MLXIP: variants seen among roughly 807,000 people sequenced by gnomAD.
MLXIP encodes the protein MLX-interacting protein.
In MLXIP, 30 loss-of-function variants were observed where a neutral mutation model predicts 87.2. That is an observed-to-expected ratio of 0.34 (90% CI 0.26 to 0.47). The LOEUF (loss-of-function observed/expected upper bound fraction) is 0.47. Ranked by LOEUF, MLXIP falls within the 20% of genes least tolerant of loss-of-function variation. MLXIP has a pLI of 1.00. For synonymous variants in MLXIP, 530 were observed against 514.0 expected, an observed-to-expected ratio of 1.03 and a Z score of -0.42; for missense variants, 1,002 against 1,240.1, an observed-to-expected ratio of 0.81 and a Z score of 2.88.
At chr12:122,121,157 A>G (rs28410367) in intron 1 of MLXIP, among the ~76,000 whole-genome samples, 76,182 of 151,040 alleles carry the variant, frequency 0.5, 19,700 homozygotes, top group Middle Eastern at 0.64. Flanking sequence ...CTACAGATGC[A>G]TGCCACCATG....
intron 1 of MLXIP, among the ~76,000 whole-genome samples, chr12:122,087,971 G>A (rs1952192148): frequency 6.6e-6 from 1 of 152,230 alleles, no homozygotes; most frequent in Non-Finnish European, 1.5e-5. Context: ...GAAGAAGGCT[G>A]GGCAAGGAGC....
chr12:122,139,527 CAT>C (rs988330942), intron 15 of MLXIP, among the ~76,000 whole-genome samples: 10 of 152,224 alleles, frequency 6.6e-5, no homozygotes, highest in African/African-American at 2.4e-4. Context: ...ACGGTCGGCA[CAT>C]GTGTTGGGTT....
At chr12:122,129,310 G>A in intron 4 of MLXIP, 84 bp downstream of exon 4, 1 of 1,245,568 alleles carries the variant, frequency 8.0e-7, no homozygotes, top group African/African-American at 1.5e-5. Context: ...GAGGCGGTAG[G>A]CTCCACAGCC....
intron 1 of MLXIP, among the ~76,000 whole-genome samples, chr12:122,095,617 T>C (rs991870619): frequency 1.3e-5 from 2 of 152,118 alleles, no homozygotes; most frequent in Non-Finnish European, 2.9e-5. Context: ...TTTTACTCAT[T>C]GTTATTTCTC....
chr12:122,123,243 G>A (rs117174219), intron 1 of MLXIP, among the ~76,000 whole-genome samples: 4,187 of 152,292 alleles, frequency 0.027, 99 homozygotes, highest in Non-Finnish European at 0.04. Flanking sequence ...AACTTCACGC[G>A]TTGCCTCCTC....
At chr12:122,100,658 A>G (rs1003309322) in intron 1 of MLXIP, among the ~76,000 whole-genome samples, 2 of 152,176 alleles carry the variant, frequency 1.3e-5, no homozygotes, top group African/African-American at 4.8e-5. Context: ...TTTGGCTGTC[A>G]CTTGCTCAGC....
rs751931978 is a variant in MLXIP at position 122,104,575 on chromosome 12, CTTTTTTTTTT to C, written c.414-22668_414-22659del. On this transcript the variant is annotated intron_variant, in intron 1 of 16. Transcript: ENST00000319080. The stretch of plus-strand genomic sequence containing the variant: ...TTTGGCTTTACCATAATTACCTTTT[CTTTTTTTTTT>C]TTTTTTTTTTTTGAGACGGAGTCTC... Among the ~76,000 whole-genome samples, 253 of 91,336 alleles carry C rather than the reference CTTTTTTTTTT, an allele frequency of 2.8e-3. No individual in the cohort carries two copies. In the Middle Eastern group the frequency reaches 0.028, roughly 10 times the overall value. The allele number at this position is 91,336 out of a possible 152,430, so 59.9% of individuals were successfully genotyped here.
At chr12:122,080,733 G>T (rs143965627) in intron 1 of MLXIP, among the ~76,000 whole-genome samples, 2 of 152,234 alleles carry the variant, frequency 1.3e-5, no homozygotes, top group East Asian at 3.9e-4. Context: ...AAAACAAATG[G>T]TGTTGAGGCT....
In MLXIP at chr12:122,132,346, C is replaced by T. The variant is rs1375288551; in HGVS notation, c.1055C>T (p.Ser352Leu). The T allele has an allele frequency of 6.2e-7, 1 of 1,613,260 alleles. No individual in the cohort carries two copies. The highest frequency in any genetic ancestry group is 8.5e-7 in the Non-Finnish European group (1 of 1,179,600). ...GGCTCCATGCTACCTGCATCTGCCT[C>T]AGCACCTGTACCAGATCCCAACAAC... ...IFGSMLPASASAPVPDPNNPP... is the reference protein window; with the variant it reads ...IFGSMLPASALAPVPDPNNPP... The change falls in exon 8 of 17, where the codon TCA becomes TTA. Residue 352 changes from serine to leucine, a missense_variant. Coordinates refer to ENST00000319080, the MANE Select transcript of MLXIP (RefSeq NM_014938.6).
chr12:122,120,835 G>A (rs374017566), intron 1 of MLXIP, among the ~76,000 whole-genome samples: 3 of 152,082 alleles, frequency 2.0e-5, no homozygotes, highest in African/African-American at 7.2e-5. Context: ...CTGTCTGTCA[G>A]GGAGTAGGGA....
chr12:122,084,146 G>T (rs1258372325), intron 1 of MLXIP, among the ~76,000 whole-genome samples: 6 of 7,466 alleles, frequency 8.0e-4, no homozygotes, highest in Middle Eastern at 0.17. Flanking sequence ...CAGCCAGATT[G>T]TGTGTGTGTG....
chr12:122,103,776 G>A (rs138188281), intron 1 of MLXIP, among the ~76,000 whole-genome samples: 4,234 of 148,890 alleles, frequency 0.028, 88 homozygotes, highest in Non-Finnish European at 0.045. Context: ...TGATCCTCCC[G>A]CCTTGGCCTC....
intron 1 of MLXIP, among the ~76,000 whole-genome samples, chr12:122,097,846 T>TCCCC (rs571780667): frequency 6.7e-6 from 1 of 150,172 alleles, no homozygotes; most frequent in African/African-American, 2.5e-5. Context: ...ATCCATGGGT[T>TCCCC]CCCCCTCCCC....
chr12:122,138,571 G>A lies in MLXIP; in HGVS notation c.2384+20G>A, dbSNP rs140443309. 6.2e-7 allele frequency: 1 copy of A among 1,602,158 alleles called. No homozygotes were observed. Among genetic ancestry groups the A allele is most frequent in the Non-Finnish European group, 8.5e-7 (1 of 1,175,224 alleles). On this transcript the variant is annotated intron_variant, in intron 14 of 16. Transcript: ENST00000319080. Reference sequence around the variant, plus strand: ...CATCATGTGAGCTTCTGGGCCTTGGGGCTCCAACCAGGCACCCCATCCCGA... The same window carrying A: ...CATCATGTGAGCTTCTGGGCCTTGGAGCTCCAACCAGGCACCCCATCCCGA...
At chr12:122,112,515 C>T (rs1204136850) in intron 1 of MLXIP, among the ~76,000 whole-genome samples, 10 of 151,930 alleles carry the variant, frequency 6.6e-5, no homozygotes, top group Admixed American at 2.0e-4. Context: ...GTGGTGGTGG[C>T]GGGCGCCTGT....
At chr12:122,128,227 G>A (rs1349298896) in intron 3 of MLXIP, 2 of 425,280 alleles carry the variant, frequency 4.7e-6, no homozygotes, top group Non-Finnish European at 8.8e-6. Flanking sequence ...TAAAGTGTGT[G>A]TCTATGTGTG....
chr12:122,124,802 G>A (rs1222456047), intron 1 of MLXIP, among the ~76,000 whole-genome samples: 1 of 151,970 alleles, frequency 6.6e-6, no homozygotes, highest in African/African-American at 2.4e-5. Flanking sequence ...AGGCCGAGGT[G>A]GGAGGATCAC....
At chr12:122,104,424 G>C (rs568936127) in intron 1 of MLXIP, among the ~76,000 whole-genome samples, 1 of 152,092 alleles carries the variant, frequency 6.6e-6, no homozygotes, top group Non-Finnish European at 1.5e-5. Context: ...TGTTCGGCAT[G>C]TTTTTAAGAC....
chr12:122,142,385 G>A lies in MLXIP; in HGVS notation c.*573G>A. 1 of 520,530 alleles carries A rather than the reference G, an allele frequency of 1.9e-6. No homozygotes were observed. The highest frequency in any genetic ancestry group is 3.7e-6 in the Non-Finnish European group (1 of 270,132). 32.2% of individuals were successfully genotyped at this position (520,530 alleles called of 1,614,324 possible). On this transcript the variant is annotated 3_prime_UTR_variant, in exon 17 of 17. Coordinates refer to ENST00000319080, the MANE Select transcript of MLXIP (RefSeq NM_014938.6). ...AGGCTTATGCATGGCAGGCTGCCAG[G>A]GGGAAGTGCCTTCTTCAGAGGTCCT... is the stretch of plus-strand genomic sequence containing the variant.
Sources: allele counts gnomAD v4.1 joint callset (sites outside exome capture counted in the v4.1 genomes callset), GRCh38; gene constraint gnomAD v4.1.1; transcripts MANE v1.5; gene names NCBI Gene and HGNC (gene_info 2026-07-23, HGNC 2026-07-21).